IL16: variants seen among roughly 807,000 people sequenced by gnomAD.
IL16 encodes the protein pro-interleukin-16.
Under a neutral mutation model 110.1 loss-of-function variants are expected in IL16, and 67 were observed. That is an observed-to-expected ratio of 0.61 (90% CI 0.50 to 0.75). The LOEUF (loss-of-function observed/expected upper bound fraction) is 0.75, where lower values mean the gene tolerates loss of function less well. Among genes scored for constraint, IL16 ranks in the 30% least tolerant of loss-of-function variants. The pLI is 0.00. For missense variants in IL16, 1,545 were observed against 1,655.0 expected (o/e 0.93, Z 1.15); for synonymous variants, 689 against 662.9 (o/e 1.04, Z -0.61).
chr15:81,286,421 G>C (rs1899451860), intron 10 of IL16, among the ~76,000 whole-genome samples: 2 of 152,188 alleles, frequency 1.3e-5, no homozygotes. Context: ...AGTCAAAAAG[G>C]GACCTGACAT....
At chr15:81,238,465 T>C (rs1002229199) in intron 2 of IL16, among the ~76,000 whole-genome samples, 1 of 152,210 alleles carries the variant, frequency 6.6e-6, no homozygotes, top group African/African-American at 2.4e-5. Context: ...TATATGCACA[T>C]AACTTGTTAT....
At chr15:81,200,142 ATATTT>A (rs1342863721) in intron 1 of IL16, among the ~76,000 whole-genome samples, 2 of 152,078 alleles carry the variant, frequency 1.3e-5, no homozygotes, top group Admixed American at 6.5e-5. Flanking sequence ...TAGCAAAATC[ATATTT>A]TATATTATCT....
chr15:81,306,792 G>A (rs538245731), intron 18 of IL16: 30 of 524,356 alleles, frequency 5.7e-5, no homozygotes, highest in African/African-American at 1.5e-4. Context: ...GGCTTGGTTC[G>A]GGTTGGCAGG....
At chr15:81,217,872 A>G (rs1455333553) in intron 1 of IL16, among the ~76,000 whole-genome samples, 1 of 152,156 alleles carries the variant, frequency 6.6e-6, no homozygotes, top group African/African-American at 2.4e-5. Context: ...AGTAACATGT[A>G]TTTCCTTAAT....
At chr15:81,188,210 C>A in intron 1 of IL16, 1 of 411,120 alleles carries the variant, frequency 2.4e-6, no homozygotes, top group South Asian at 1.8e-5. Context: ...ACAAAAACAG[C>A]ACAAAATAGA....
chr15:81,291,788 C>A, intron 11 of IL16: 1 of 406,298 alleles, frequency 2.5e-6, no homozygotes, highest in Non-Finnish European at 5.1e-6. Flanking sequence ...TCTGCCCTCA[C>A]CTCACCCTCA....
chr15:81,257,648 C>T (rs1897997156), intron 2 of IL16, among the ~76,000 whole-genome samples: 1 of 152,138 alleles, frequency 6.6e-6, no homozygotes, highest in Non-Finnish European at 1.5e-5. Context: ...TTATTTGGCA[C>T]ACAGCGAGAG....
chr15:81,299,741 C>T lies in IL16; in HGVS notation c.2415C>T (p.Asp805=), dbSNP rs1177186490. 3.7e-6 allele frequency: 6 copies of T among 1,614,206 alleles called. No individual in the cohort carries two copies. Among genetic ancestry groups the T allele is most frequent in the Non-Finnish European group, 4.2e-6 (5 of 1,180,030 alleles). ...SLKGLRNRAS[D]PRGLPDPALS... is the part of the protein sequence containing the mutation. ...AAGGTTTGAGGAATCGTGCTTCAGACCCAAGAGGGCTCCCTGATCCTGCCT... is the reference window on the plus strand; with the variant it reads ...AAGGTTTGAGGAATCGTGCTTCAGATCCAAGAGGGCTCCCTGATCCTGCCT... Residue 805 remains aspartate, a synonymous_variant, in exon 14 of 19, where the codon GAC becomes GAT. Transcript: ENST00000683961.
At chr15:81,230,240 CT>C (rs1896925189) in intron 2 of IL16, among the ~76,000 whole-genome samples, 1 of 152,150 alleles carries the variant, frequency 6.6e-6, no homozygotes, top group Non-Finnish European at 1.5e-5. Context: ...AGACTTAGAA[CT>C]TTGAAAGAAG....
At chr15:81,277,305 A>G (rs981442549) in intron 6 of IL16, among the ~76,000 whole-genome samples, 2 of 152,246 alleles carry the variant, frequency 1.3e-5, no homozygotes, top group African/African-American at 2.4e-5. Flanking sequence ...AGTATGCAAA[A>G]AGATAGTGGC....
intron 1 of IL16, among the ~76,000 whole-genome samples, chr15:81,201,316 G>T (rs556409940): frequency 6.6e-6 from 1 of 152,020 alleles, no homozygotes; most frequent in South Asian, 2.1e-4. Context: ...CACACACACA[G>T]AAGTAAATGA....
chr15:81,228,870 T>G (rs1195110074), intron 2 of IL16, among the ~76,000 whole-genome samples: 1 of 152,114 alleles, frequency 6.6e-6, no homozygotes, highest in Admixed American at 6.5e-5. Context: ...TCCTAGACAA[T>G]CCACTTTACC....
chr15:81,223,902 A>T lies in IL16; in HGVS notation c.-101-1397A>T, dbSNP rs551283512. 1.9e-4 allele frequency among the ~76,000 whole-genome samples: 29 copies of T among 152,332 alleles called. 1 individual carries two copies. In the South Asian group the frequency reaches 5.8e-3, roughly 30 times the overall value. ...TGTCTGTGATTGGAGTTTTACTATC[A>T]TTTGAGATGGAAGGACATGGAGTAC... On this transcript the variant is annotated intron_variant, in intron 1 of 18. Coordinates refer to ENST00000683961, the MANE Select transcript of IL16 (RefSeq NM_172217.5).
intron 10 of IL16, 34 bp from the exon 11 acceptor site, chr15:81,290,419 C>T: frequency 6.6e-7 from 1 of 1,511,750 alleles, no homozygotes. Context: ...GGAGCTTCTA[C>T]TGTTTGTTTG....
At chr15:81,192,675 A>G (rs746439874), upstream of IL16, among the ~76,000 whole-genome samples, 5 of 152,222 alleles carry the variant, frequency 3.3e-5, no homozygotes, top group Admixed American at 2.0e-4. Flanking sequence ...TTTTATGCTG[A>G]TCCAATTTAT....
intron 6 of IL16, among the ~76,000 whole-genome samples, chr15:81,274,869 A>G (rs550884541): frequency 2.8e-4 from 43 of 152,252 alleles, no homozygotes; most frequent in African/African-American, 9.9e-4. Flanking sequence ...CGAGCCTTTG[A>G]AGGTTTTTAT....
At chr15:81,270,839 A>G (rs1266149469) in intron 5 of IL16, among the ~76,000 whole-genome samples, 1 of 152,236 alleles carries the variant, frequency 6.6e-6, no homozygotes, top group African/African-American at 2.4e-5. Context: ...AAGATGAATC[A>G]TTTGATATAG....
intron 1 of IL16, among the ~76,000 whole-genome samples, chr15:81,205,041 T>C (rs1229620773): frequency 6.6e-6 from 1 of 152,148 alleles, no homozygotes; most frequent in African/African-American, 2.4e-5. Context: ...GCGCAGTGGC[T>C]CACACTTGTA....
intron 1 of IL16, among the ~76,000 whole-genome samples, chr15:81,186,994 T>G (rs1447129459): frequency 7.2e-5 from 11 of 152,044 alleles, no homozygotes; most frequent in African/African-American, 2.7e-4. Flanking sequence ...CCAAATAAGT[T>G]GGGGATTAAA....
Sources: gnomAD v4.1 joint callset for allele counts (sites outside exome capture counted in the v4.1 genomes callset) on GRCh38, gnomAD v4.1.1 for gene constraint, MANE v1.5 for transcripts, NCBI Gene and HGNC (gene_info 2026-07-23, HGNC 2026-07-21) for gene names.